LASP1: variants seen among roughly 807,000 people sequenced by gnomAD.
LASP1 encodes the protein LIM and SH3 protein 1, also known as LIM and SH3 domain protein 1.
A neutral mutation model predicts 38.6 loss-of-function variants in LASP1; 10 were observed. That is an observed-to-expected ratio of 0.26 (90% CI 0.16 to 0.44). The LOEUF is 0.44. Among genes scored for constraint, LASP1 ranks in the 20% least tolerant of loss-of-function variants. LASP1 has a pLI of 1.00. For missense variants in LASP1, 243 were observed against 375.7 expected, an observed-to-expected ratio of 0.65 and a Z score of 2.92; for synonymous variants, 132 against 140.8, an observed-to-expected ratio of 0.94 and a Z score of 0.44.
chr17:38,906,707 T>C (rs1321900985), intron 4 of LASP1, among the ~76,000 whole-genome samples: 3 of 152,146 alleles, frequency 2.0e-5, no homozygotes, highest in African/African-American at 4.8e-5. Context: ...GTCAGACTTT[T>C]ATTTTCCACC....
At chr17:38,886,874 C>G (rs1037474358) in intron 2 of LASP1, among the ~76,000 whole-genome samples, 3 of 152,164 alleles carry the variant, frequency 2.0e-5, no homozygotes, top group Non-Finnish European at 4.4e-5. Flanking sequence ...GTCTGGCGGT[C>G]TTTGGGCACT....
At chr17:38,881,158 A>T (rs955757530) in intron 2 of LASP1, among the ~76,000 whole-genome samples, 2 of 152,114 alleles carry the variant, frequency 1.3e-5, no homozygotes, top group Non-Finnish European at 2.9e-5. Context: ...GGGATGTTGG[A>T]CCCTAGACCA....
chr17:38,877,393 C>T (rs564568287), intron 1 of LASP1, among the ~76,000 whole-genome samples: 10 of 152,286 alleles, frequency 6.6e-5, no homozygotes, highest in East Asian at 1.9e-4. Flanking sequence ...GTGGGAGACC[C>T]GCTGCCGGGT....
chr17:38,896,336 G>A (rs1337118329), intron 3 of LASP1, among the ~76,000 whole-genome samples: 1 of 152,222 alleles, frequency 6.6e-6, no homozygotes, highest in Non-Finnish European at 1.5e-5. Flanking sequence ...GACCCAGAGA[G>A]GGGAACTGAC....
chr17:38,882,850 T>C (rs1470873620), intron 2 of LASP1, among the ~76,000 whole-genome samples: 2 of 151,736 alleles, frequency 1.3e-5, no homozygotes, highest in East Asian at 1.9e-4. Flanking sequence ...GGAAGGAAAA[T>C]TGGGGGACTT....
At chr17:38,898,942 C>G (rs1374844145) in intron 4 of LASP1, 1 of 360,230 alleles carries the variant, frequency 2.8e-6, no homozygotes, top group Non-Finnish European at 5.5e-6. Flanking sequence ...TCCTTGGCCT[C>G]CTCCCCCACA....
chr17:38,870,156 C>T lies in LASP1; in HGVS notation c.-34C>T. ...CCTCGGGGAACAGGACGCGCGTGAG[C>T]TCAGGCGTCCCCGCCCCAGCTTTTC... On this transcript the variant is annotated 5_prime_UTR_variant, in exon 1 of 7. Transcript: ENST00000318008. 1.2e-6 allele frequency: 2 copies of T among 1,611,636 alleles called. No homozygotes were observed. Among genetic ancestry groups the T allele is most frequent in the Non-Finnish European group, 8.5e-7 (1 of 1,179,458 alleles).
At chr17:38,886,652 G>T (rs947115524) in intron 2 of LASP1, among the ~76,000 whole-genome samples, 3 of 152,120 alleles carry the variant, frequency 2.0e-5, no homozygotes, top group Non-Finnish European at 4.4e-5. Flanking sequence ...AGGGGCTCCC[G>T]AGACCGTCTG....
intron 2 of LASP1, among the ~76,000 whole-genome samples, chr17:38,880,108 A>G (rs1006659169): frequency 6.6e-6 from 1 of 152,068 alleles, no homozygotes; most frequent in Non-Finnish European, 1.5e-5. Context: ...TCCATTGGGT[A>G]GTGGGGTGGG....
At chr17:38,882,482 A>T (rs1389745300) in intron 2 of LASP1, among the ~76,000 whole-genome samples, 4 of 152,124 alleles carry the variant, frequency 2.6e-5, no homozygotes, top group African/African-American at 9.7e-5. Context: ...TCTTGACCTC[A>T]GGTGATCCAC....
At chr17:38,877,175 G>A (rs1187593881) in intron 1 of LASP1, among the ~76,000 whole-genome samples, 1 of 152,224 alleles carries the variant, frequency 6.6e-6, no homozygotes, top group Non-Finnish European at 1.5e-5. Flanking sequence ...CAAGTGCTGT[G>A]CTGAGGGCTT....
intron 1 of LASP1, among the ~76,000 whole-genome samples, chr17:38,877,399 C>T (rs573403493): frequency 8.5e-5 from 13 of 152,260 alleles, no homozygotes; most frequent in South Asian, 4.1e-4. Flanking sequence ...GACCCGCTGC[C>T]GGGTGCTCTC....
chr17:38,877,090 TG>T (rs1205082416), intron 1 of LASP1, among the ~76,000 whole-genome samples: 4 of 152,186 alleles, frequency 2.6e-5, no homozygotes, highest in Non-Finnish European at 5.9e-5. Context: ...CAATCTCCAG[TG>T]TGAGCCCTGA....
intron 6 of LASP1, among the ~76,000 whole-genome samples, chr17:38,917,812 C>G (rs1451151282): frequency 6.6e-6 from 1 of 152,026 alleles, no homozygotes; most frequent in African/African-American, 2.4e-5. Flanking sequence ...ACCTCAGCCT[C>G]CTGAGTAGCT....
At chr17:38,892,854 C>T (rs540338237) in intron 3 of LASP1, among the ~76,000 whole-genome samples, 1 of 152,350 alleles carries the variant, frequency 6.6e-6, no homozygotes, top group African/African-American at 2.4e-5. Flanking sequence ...CCCTGCTTCC[C>T]AGGGTCATAG....
chr17:38,889,299 T>G (rs1914234714), intron 2 of LASP1, among the ~76,000 whole-genome samples: 1 of 152,158 alleles, frequency 6.6e-6, no homozygotes, highest in Non-Finnish European at 1.5e-5. Flanking sequence ...CCCGGCTAAT[T>G]TTTGTATTTT....
rs749619113 is a variant in LASP1 at position 38,918,848 on chromosome 17, A to G, written c.*70A>G. The G allele has an allele frequency of 9.2e-6, 14 of 1,525,628 alleles. No individual in the cohort carries two copies. Among genetic ancestry groups the G allele is most frequent in the South Asian group, 6.8e-5 (6 of 87,674 alleles). 94.5% of individuals were successfully genotyped at this position (1,525,628 alleles called of 1,614,324 possible). A position where few individuals can be genotyped will look rare whatever the true frequency, so the allele number is the denominator to read the frequency against. Reference sequence around the variant, plus strand: ...CATCCGTCCTGGGCGTGACCCGTCCATTCTTCAGTGTCTCTGTTTTTTAAA... The same window carrying G: ...CATCCGTCCTGGGCGTGACCCGTCCGTTCTTCAGTGTCTCTGTTTTTTAAA... On this transcript the variant is annotated 3_prime_UTR_variant, in exon 7 of 7. Coordinates refer to ENST00000318008, the MANE Select transcript of LASP1 (RefSeq NM_006148.4). This position sits in a 1 kb window ranked among gnomAD's most constrained non-coding sequence, Gnocchi z 4.4.
chr17:38,904,522 A>T (rs1303330493), intron 4 of LASP1: 1 of 151,408 alleles, frequency 6.6e-6, no homozygotes, highest in Non-Finnish European at 1.5e-5. Context: ...GAACCCGGGA[A>T]GTGGAGGTTG....
At chr17:38,889,935 C>A (rs981644410) in intron 2 of LASP1, among the ~76,000 whole-genome samples, 34 of 152,316 alleles carry the variant, frequency 2.2e-4, no homozygotes, top group Non-Finnish European at 5.0e-4. Flanking sequence ...GGAAGTCCCC[C>A]TGGATATGTG....
Sources: allele counts gnomAD v4.1 joint callset (sites outside exome capture counted in the v4.1 genomes callset), GRCh38; gene constraint gnomAD v4.1.1; non-coding constraint Gnocchi (gnomAD v3.1); transcripts MANE v1.5; gene names NCBI Gene and HGNC (gene_info 2026-07-23, HGNC 2026-07-21).